CLSTN2: variants seen among roughly 807,000 people sequenced by gnomAD.
The protein encoded by CLSTN2 is calsyntenin 2, also known as calsyntenin-2.
Under a neutral mutation model 101.2 loss-of-function variants are expected in CLSTN2, and 48 were observed. The ratio of observed to expected loss-of-function variants is 0.47; its 90% CI spans 0.38 to 0.60. The LOEUF is 0.60. Ranked by LOEUF, CLSTN2 falls within the 20% of genes least tolerant of loss-of-function variation. The pLI is 0.00. For missense variants in CLSTN2, 1,160 were observed against 1,238.2 expected (o/e 0.94, Z 0.95); for synonymous variants, 481 against 463.6 (o/e 1.04, Z -0.48).
chr3:140,394,007 G>C (rs1478763257), intron 2 of CLSTN2, among the ~76,000 whole-genome samples: 1 of 152,152 alleles, frequency 6.6e-6, no homozygotes, highest in Admixed American at 6.5e-5. Flanking sequence ...ATCAGCAGGA[G>C]GGCTGGGAGT....
At chr3:140,171,840 TAA>T (rs2010238953) in intron 1 of CLSTN2, among the ~76,000 whole-genome samples, 4 of 86,702 alleles carry the variant, frequency 4.6e-5, no homozygotes, top group Admixed American at 1.4e-4. Context: ...TAACAATATA[TAA>T]TATAATATAT....
chr3:140,219,890 T>C (rs1433746237), intron 2 of CLSTN2, among the ~76,000 whole-genome samples: 3 of 152,178 alleles, frequency 2.0e-5, no homozygotes, highest in Non-Finnish European at 2.9e-5. Flanking sequence ...TACTGAGTAC[T>C]CTCTCTTTTC....
intron 1 of CLSTN2, among the ~76,000 whole-genome samples, chr3:140,072,054 G>A (rs529108480): frequency 6.6e-6 from 1 of 152,142 alleles, no homozygotes; most frequent in Admixed American, 6.5e-5. Flanking sequence ...TTGTTGGAGG[G>A]TAATTTAACA....
intron 2 of CLSTN2, among the ~76,000 whole-genome samples, chr3:140,248,888 T>C (rs949031869): frequency 1.4e-4 from 21 of 152,348 alleles, no homozygotes; most frequent in Admixed American, 1.3e-3. Context: ...TAAATCACTT[T>C]CTCTCATTGG....
chr3:140,277,602 G>C (rs956691475), intron 2 of CLSTN2, among the ~76,000 whole-genome samples: 1 of 152,160 alleles, frequency 6.6e-6, no homozygotes, highest in Non-Finnish European at 1.5e-5. Context: ...ACTGCATGCT[G>C]CATAATTGAA....
intron 1 of CLSTN2, among the ~76,000 whole-genome samples, chr3:140,116,632 G>GC (rs1247432066): frequency 1.3e-5 from 2 of 152,044 alleles, no homozygotes; most frequent in Non-Finnish European, 2.9e-5. Flanking sequence ...TAACTTTTGC[G>GC]CCCCCCAGGT....
intron 2 of CLSTN2, among the ~76,000 whole-genome samples, chr3:140,307,963 A>G (rs1458219814): frequency 6.6e-6 from 1 of 152,238 alleles, no homozygotes; most frequent in Non-Finnish European, 1.5e-5. Flanking sequence ...CAGGGTCTGT[A>G]GATATAATCC....
intron 1 of CLSTN2, among the ~76,000 whole-genome samples, chr3:140,028,324 G>A (rs912718566): frequency 6.6e-6 from 1 of 152,166 alleles, no homozygotes; most frequent in South Asian, 2.1e-4. Flanking sequence ...CAGAACACTA[G>A]CTACTTCTCT....
Position 140,565,983 on chromosome 3 carries a change from G to C in CLSTN2, c.2668-70G>C, listed in dbSNP as rs564117243. ...CGTAAATGTTTCCTTAATGGATGGA[G>C]AGACATAAGCTCCAAAATGGCCTCT... On this transcript the variant is annotated intron_variant, in intron 16 of 16. Transcript: ENST00000458420. The C allele has an allele frequency of 1.0e-4, 160 of 1,592,142 alleles. 2 individuals are homozygous for C. The African/African-American group carries it at 1.7e-3, about 17-fold the overall frequency.
intron 2 of CLSTN2, among the ~76,000 whole-genome samples, chr3:140,226,601 A>G (rs1270553025): frequency 1.3e-5 from 2 of 152,184 alleles, no homozygotes; most frequent in East Asian, 3.8e-4. Context: ...TGGAAAAAAG[A>G]TGTTAGAAAT....
intron 5 of CLSTN2, among the ~76,000 whole-genome samples, chr3:140,434,573 TC>T (rs200623243): frequency 0.011 from 1,684 of 152,170 alleles, 10 homozygotes; most frequent in Non-Finnish European, 0.015. Flanking sequence ...TGAGAAAGCT[TC>T]CCCAAGAAGG....
At chr3:140,357,261 G>A (rs889332814) in intron 2 of CLSTN2, among the ~76,000 whole-genome samples, 7 of 152,054 alleles carry the variant, frequency 4.6e-5, no homozygotes, top group African/African-American at 1.4e-4. Flanking sequence ...TATAGCCCAC[G>A]AATCTTCTAA....
intron 2 of CLSTN2, among the ~76,000 whole-genome samples, chr3:140,364,522 G>T (rs938490798): frequency 5.3e-5 from 8 of 152,288 alleles, no homozygotes; most frequent in Non-Finnish European, 5.9e-5. Flanking sequence ...CCATTCAGAT[G>T]CAGCAGTGAG....
At chr3:140,426,705 C>T (rs551091462) in intron 5 of CLSTN2, among the ~76,000 whole-genome samples, 2 of 152,166 alleles carry the variant, frequency 1.3e-5, no homozygotes, top group East Asian at 3.9e-4. Flanking sequence ...CTAGTAAGGA[C>T]CTATGGTTAC....
At chr3:140,040,419 T>C (rs1296584957) in intron 1 of CLSTN2, among the ~76,000 whole-genome samples, 1 of 152,094 alleles carries the variant, frequency 6.6e-6, no homozygotes, top group Non-Finnish European at 1.5e-5. Flanking sequence ...TATAGTCAAA[T>C]TACTTAACAG....
At chr3:140,050,702 G>A (rs576969052) in intron 1 of CLSTN2, among the ~76,000 whole-genome samples, 1 of 152,302 alleles carries the variant, frequency 6.6e-6, no homozygotes, top group Admixed American at 6.5e-5. Context: ...AGCCAGACAA[G>A]GAGAGGGAGC....
In CLSTN2 at chr3:139,936,862, A is replaced by ATT. The variant is rs11440605; in HGVS notation, c.109+1386_109+1387dup. Among the ~76,000 whole-genome samples, 17 of 151,408 alleles carry ATT rather than the reference A, an allele frequency of 1.1e-4. No homozygotes were observed. The East Asian group carries it at 2.3e-3, about 21-fold the overall frequency. ...AGCAGGCATTCTGTTTCTTTTCAGC[A>ATT]TTTTTTTTCTTGGTGTATCTTTGAC... On this transcript the variant is annotated intron_variant, in intron 1 of 16. Transcript: ENST00000458420.
chr3:140,528,469 G>A (rs1444357929), intron 8 of CLSTN2, among the ~76,000 whole-genome samples: 3 of 152,138 alleles, frequency 2.0e-5, no homozygotes, highest in Non-Finnish European at 4.4e-5. Flanking sequence ...TATGAATCCC[G>A]ATCTGTTATA....
chr3:140,049,061 T>C (rs1025666339), intron 1 of CLSTN2, among the ~76,000 whole-genome samples: 88 of 152,278 alleles, frequency 5.8e-4, no homozygotes, highest in Non-Finnish European at 9.3e-4. Context: ...TGGCTGGAAC[T>C]TGAGTTTGAG....
Sources: allele counts gnomAD v4.1 joint callset (sites outside exome capture counted in the v4.1 genomes callset), GRCh38; gene constraint gnomAD v4.1.1; transcripts MANE v1.5; gene names NCBI Gene and HGNC (gene_info 2026-07-23, HGNC 2026-07-21).